SV2C: variants seen among roughly 807,000 people sequenced by gnomAD.
The protein encoded by SV2C is synaptic vesicle glycoprotein 2C, also known as solute carrier family 22 member B3.
SV2C carries 49 observed loss-of-function variants against 79.7 expected under a neutral mutation model. That is an observed-to-expected ratio of 0.61 (90% confidence interval 0.49 to 0.78). The LOEUF is 0.78. Among genes scored for constraint, SV2C ranks in the 30% least tolerant of loss-of-function variants. The pLI is 0.00. For synonymous variants in SV2C, 334 were observed against 333.2 expected, an observed-to-expected ratio of 1.00 and a Z score of -0.03; for missense variants, 833 against 912.9, an observed-to-expected ratio of 0.91 and a Z score of 1.13.
At chr5:75,990,891 G>A in the SV2C span, among the ~76,000 whole-genome samples, 1 of 152,006 alleles carries the variant, frequency 6.6e-6, no homozygotes, top group East Asian at 1.9e-4. Context: ...TGCATTGGCT[G>A]TGCACCAAGT....
chr5:76,336,082 G>A (rs1238098919), downstream of SV2C, among the ~76,000 whole-genome samples: 1 of 66,616 alleles, frequency 1.5e-5, no homozygotes, highest in Non-Finnish European at 4.9e-5. Flanking sequence ...CGGACGGGGC[G>A]GCTGGCCGGG....
At chr5:76,254,206 G>GTA (rs1272142588) in intron 4 of SV2C, among the ~76,000 whole-genome samples, 3 of 147,180 alleles carry the variant, frequency 2.0e-5, no homozygotes, top group Non-Finnish European at 3.0e-5. Flanking sequence ...ATATATGTGT[G>GTA]TATATATATG....
chr5:76,243,012 T>TAAAAAAAAAAAAAAA (rs559052290), intron 4 of SV2C, among the ~76,000 whole-genome samples: 32 of 49,924 alleles, frequency 6.4e-4, no homozygotes, highest in African/African-American at 8.3e-4. Context: ...AGACCCCATC[T>TAAAAAAAAAAAAAAA]AAAAAAAAAA....
At chr5:75,878,007 T>C in the SV2C span, among the ~76,000 whole-genome samples, 1 of 151,370 alleles carries the variant, frequency 6.6e-6, no homozygotes, top group African/African-American at 2.4e-5. Flanking sequence ...GTGGAGATGC[T>C]GGAACACATC....
In SV2C at chr5:76,098,086, C is replaced by A. The variant is rs113311670; in HGVS notation, c.-102+14574C>A. Among the ~76,000 whole-genome samples the A allele has an allele frequency of 7.4e-3, 1,124 of 152,282 alleles. 10 individuals carry two copies. Among genetic ancestry groups the A allele is most frequent in the African/African-American group, 0.026 (1,069 of 41,564 alleles). On this transcript the variant is annotated intron_variant, in intron 1 of 12. Transcript: ENST00000502798. ...AGGGGAAGCTTAGGGAGAAAAGAAACAGGTGTTCAAAGATGGCTGCTTCAA... is the reference window on the plus strand; with the variant it reads ...AGGGGAAGCTTAGGGAGAAAAGAAAAAGGTGTTCAAAGATGGCTGCTTCAA...
At chr5:76,213,730 T>A (rs991071688) in intron 4 of SV2C, among the ~76,000 whole-genome samples, 1 of 152,238 alleles carries the variant, frequency 6.6e-6, no homozygotes, top group African/African-American at 2.4e-5. Flanking sequence ...CATGTGTGTA[T>A]GATGAGAACA....
At chr5:76,353,239 C>T (rs992737986) in exon 13 of SV2C, 2 of 296,506 alleles carry the variant, frequency 6.7e-6, no homozygotes, top group East Asian at 2.3e-4. Flanking sequence ...GCCACTGCAC[C>T]TGGCTTTCTT....
the SV2C span, among the ~76,000 whole-genome samples, chr5:76,046,414 G>A: frequency 2.0e-5 from 3 of 152,184 alleles, no homozygotes; most frequent in Admixed American, 6.5e-5. Context: ...ACATCCAATT[G>A]AGTCTTGAAA....
chr5:76,296,919 T>A (rs1345959482), intron 9 of SV2C, among the ~76,000 whole-genome samples: 1 of 152,190 alleles, frequency 6.6e-6, no homozygotes, highest in Non-Finnish European at 1.5e-5. Flanking sequence ...GCACTTAGCA[T>A]TTCACAGAAA....
intron 12 of SV2C, among the ~76,000 whole-genome samples, chr5:76,344,602 G>A (rs1015987668): frequency 2.6e-5 from 4 of 152,038 alleles, no homozygotes; most frequent in African/African-American, 4.8e-5. Context: ...CCAGCTCCTC[G>A]GGAGGCTGAG....
At chr5:76,079,873 A>C (rs546953920), upstream of SV2C, 43 of 154,412 alleles carry the variant, frequency 2.8e-4, no homozygotes, top group Non-Finnish European at 3.9e-4. Context: ...AATTCCTTGA[A>C]GTTTTCTTTT....
chr5:76,138,870 G>T (rs1749156161), intron 2 of SV2C, among the ~76,000 whole-genome samples: 1 of 152,236 alleles, frequency 6.6e-6, no homozygotes, highest in Non-Finnish European at 1.5e-5. Context: ...TGTAATCCCA[G>T]CACTTTGGGA....
the SV2C span, among the ~76,000 whole-genome samples, chr5:75,889,346 T>C: frequency 2.6e-5 from 4 of 150,958 alleles, no homozygotes; most frequent in Non-Finnish European, 5.9e-5. Context: ...TGAGAACATG[T>C]GGTGTTTGGT....
chr5:76,180,251 T>A (rs145764271), intron 2 of SV2C, among the ~76,000 whole-genome samples: 28 of 152,348 alleles, frequency 1.8e-4, no homozygotes, highest in African/African-American at 5.8e-4. Flanking sequence ...TTATGCTTTG[T>A]TTATTCACTG....
the SV2C span, among the ~76,000 whole-genome samples, chr5:75,906,133 G>T: frequency 2.4e-4 from 36 of 151,992 alleles, no homozygotes; most frequent in African/African-American, 6.8e-4. Flanking sequence ...ATTCCCAGTA[G>T]ATGACAGTAA....
chr5:76,337,436 T>TG (rs1693184548), downstream of SV2C, among the ~76,000 whole-genome samples: 1 of 152,192 alleles, frequency 6.6e-6, no homozygotes, highest in African/African-American at 2.4e-5. Flanking sequence ...TCTGAGGCAC[T>TG]GCGGGGTTGG....
At chr5:76,227,173 GATA>G (rs1388341276) in intron 4 of SV2C, among the ~76,000 whole-genome samples, 1 of 136,084 alleles carries the variant, frequency 7.3e-6, no homozygotes, top group Non-Finnish European at 1.6e-5. Context: ...ATGCAGATAA[GATA>G]AAAGCCAAAC....
At position 76,120,593 on chromosome 5, in the gene SV2C, C is replaced by G. The variant is rs578098680; in HGVS notation, c.-101-11057C>G. Reference sequence around the variant, plus strand: ...CCATGTGTTCTCATTGTTCAATTCCCATCTATGAGTGAGAACATGCGGTGT... The same window carrying G: ...CCATGTGTTCTCATTGTTCAATTCCGATCTATGAGTGAGAACATGCGGTGT... On this transcript the variant is annotated intron_variant, in intron 1 of 12. Coordinates refer to ENST00000502798, the MANE Select transcript of SV2C (RefSeq NM_014979.4). 2.0e-3 allele frequency among the ~76,000 whole-genome samples: 294 copies of G among 144,010 alleles called. 1 individual carries two copies. The Middle Eastern group carries it at 0.04, about 19-fold the overall frequency. 94.5% of individuals were successfully genotyped at this position (144,010 alleles called of 152,430 possible).
chr5:76,256,450 C>T (rs1272098964), intron 4 of SV2C, among the ~76,000 whole-genome samples: 1 of 152,184 alleles, frequency 6.6e-6, no homozygotes, highest in East Asian at 1.9e-4. Flanking sequence ...CTTGTGAACC[C>T]AGGGTGCCCT....
Sources: gnomAD v4.1 joint callset for allele counts (sites outside exome capture counted in the v4.1 genomes callset) on GRCh38, gnomAD v4.1.1 for gene constraint, MANE v1.5 for transcripts, NCBI Gene and HGNC (gene_info 2026-07-23, HGNC 2026-07-21) for gene names.